Variants in STX18 observed in about 807,000 individuals in gnomAD.
The protein encoded by STX18 is syntaxin-18.
Under a neutral mutation model 50.1 loss-of-function variants are expected in STX18, and 40 were observed. The observed-to-expected ratio is 0.80, with a 90% CI of 0.62 to 1.04. STX18 has a LOEUF of 1.04. Ranked by LOEUF, STX18 falls within the 50% of genes least tolerant of loss-of-function variation. STX18 has a pLI of 0.00. For missense variants in STX18, 410 were observed against 415.8 expected, an observed-to-expected ratio of 0.99 and a Z score of 0.12; for synonymous variants, 158 against 151.8, an observed-to-expected ratio of 1.04 and a Z score of -0.30.
intron 1 of STX18, among the ~76,000 whole-genome samples, chr4:4,535,743 T>C (rs1731302661): frequency 6.6e-6 from 1 of 152,228 alleles, no homozygotes; most frequent in African/African-American, 2.4e-5. Flanking sequence ...CTCCATTGTT[T>C]CCCAATCCTA....
chr4:4,502,896 G>T (rs924256116), intron 1 of STX18, among the ~76,000 whole-genome samples: 4 of 152,066 alleles, frequency 2.6e-5, no homozygotes, highest in African/African-American at 9.7e-5. Context: ...AAAACACAGA[G>T]TTCTCACCAA....
intron 1 of STX18, among the ~76,000 whole-genome samples, chr4:4,532,894 A>C (rs980948747): frequency 6.6e-6 from 1 of 152,124 alleles, no homozygotes; most frequent in Non-Finnish European, 1.5e-5. Flanking sequence ...TTATCATTTG[A>C]CTACAAATTA....
chr4:4,463,513 A>G (rs1317301502), intron 2 of STX18, among the ~76,000 whole-genome samples: 1 of 152,238 alleles, frequency 6.6e-6, no homozygotes, highest in African/African-American at 2.4e-5. Context: ...GAGTGGTGTG[A>G]ATCAAACCAA....
intron 1 of STX18, among the ~76,000 whole-genome samples, chr4:4,491,828 G>A (rs190638828): frequency 6.6e-4 from 101 of 152,098 alleles, no homozygotes; most frequent in African/African-American, 2.3e-3. Context: ...CTAATAGAAT[G>A]AACATATTTT....
chr4:4,467,287 C>T, intron 2 of STX18, among the ~76,000 whole-genome samples: 1 of 152,168 alleles, frequency 6.6e-6, no homozygotes, highest in East Asian at 1.9e-4. Context: ...GCTGTTATCA[C>T]ATTTGTTTCA....
At chr4:4,453,548 G>T in intron 5 of STX18, 1 of 293,522 alleles carries the variant, frequency 3.4e-6, no homozygotes, top group Non-Finnish European at 5.1e-6. Context: ...GCTTTTATAT[G>T]CACTGGGAAA....
intron 1 of STX18, among the ~76,000 whole-genome samples, chr4:4,516,188 T>C (rs1730259474): frequency 6.6e-6 from 1 of 152,230 alleles, no homozygotes; most frequent in Non-Finnish European, 1.5e-5. Flanking sequence ...TAGACACAGA[T>C]GGGCTCTGTA....
At chr4:4,488,393 GA>G (rs1261499050) in intron 1 of STX18, among the ~76,000 whole-genome samples, 1 of 152,136 alleles carries the variant, frequency 6.6e-6, no homozygotes, top group African/African-American at 2.4e-5. Flanking sequence ...ATAGAAGTGC[GA>G]AAACTACAAA....
chr4:4,507,769 G>C (rs932192082), intron 1 of STX18: 1 of 1,077,302 alleles, frequency 9.3e-7, no homozygotes, highest in East Asian at 2.9e-5. Context: ...TGAATTCCCA[G>C]AGTTTCAATT....
At chr4:4,497,293 A>G (rs6853914) in intron 1 of STX18, among the ~76,000 whole-genome samples, 29,927 of 152,204 alleles carry the variant, frequency 0.2, 3,013 homozygotes, top group African/African-American at 0.22. Context: ...AAGGAGGAGC[A>G]CAGACTTCTG....
intron 5 of STX18, among the ~76,000 whole-genome samples, chr4:4,452,996 G>A (rs1055832355): frequency 6.6e-6 from 1 of 152,198 alleles, no homozygotes; most frequent in Non-Finnish European, 1.5e-5. Flanking sequence ...GACTGAAGAT[G>A]CGGCTGAGCT....
intron 2 of STX18, among the ~76,000 whole-genome samples, chr4:4,465,581 G>C (rs1269565404): frequency 1.3e-5 from 2 of 152,118 alleles, no homozygotes; most frequent in South Asian, 2.1e-4. Context: ...TGAGGCGGTG[G>C]GGAACAATAC....
At chr4:4,492,751 C>T (rs1577371635) in intron 1 of STX18, among the ~76,000 whole-genome samples, 1 of 152,130 alleles carries the variant, frequency 6.6e-6, no homozygotes, top group South Asian at 2.1e-4. Flanking sequence ...AGAAACCAGT[C>T]GAGGATGTCT....
intron 2 of STX18, among the ~76,000 whole-genome samples, chr4:4,461,747 G>A (rs1314303575): frequency 2.6e-5 from 4 of 152,106 alleles, no homozygotes; most frequent in Admixed American, 2.0e-4. Flanking sequence ...CTGGGCTACC[G>A]GGGGGAATGC....
At chr4:4,478,410 A>G (rs552241498) in intron 1 of STX18, among the ~76,000 whole-genome samples, 2 of 152,322 alleles carry the variant, frequency 1.3e-5, no homozygotes, top group African/African-American at 4.8e-5. Flanking sequence ...TACAACGGTG[A>G]CCAGTGCATT....
chr4:4,439,241 C>T (rs1210096910), intron 5 of STX18, among the ~76,000 whole-genome samples: 10 of 140,536 alleles, frequency 7.1e-5, no homozygotes, highest in African/African-American at 2.5e-4. Flanking sequence ...ACACACACAC[C>T]ACATACATAT....
intron 1 of STX18, among the ~76,000 whole-genome samples, chr4:4,478,165 G>C (rs1728284975): frequency 6.6e-6 from 1 of 150,714 alleles, no homozygotes; most frequent in Admixed American, 6.6e-5. Flanking sequence ...GTATTTGTGA[G>C]AGTATTTGTA....
At chr4:4,528,511 A>G (rs1377571248) in intron 1 of STX18, among the ~76,000 whole-genome samples, 1 of 152,210 alleles carries the variant, frequency 6.6e-6, no homozygotes, top group East Asian at 1.9e-4. Flanking sequence ...GAGGCTTCAC[A>G]AAAGCAGATG....
rs192010847 is a variant in STX18 at position 4,533,833 on chromosome 4, T to C, written c.168+7964A>G. ...AAAAGTGAGGAAAGAGGGAACTCTT[T>C]GACACACTCCAGATTCTTCATGGAA... On this transcript the variant is annotated intron_variant, in intron 1 of 10. Transcript: ENST00000306200. 2.7e-3 allele frequency among the ~76,000 whole-genome samples: 411 copies of C among 152,290 alleles called. 2 individuals carry two copies. The highest frequency in any genetic ancestry group is 9.4e-3 in the African/African-American group (389 of 41,550).
Sources: allele counts gnomAD v4.1 joint callset (sites outside exome capture counted in the v4.1 genomes callset), GRCh38; gene constraint gnomAD v4.1.1; transcripts MANE v1.5; gene names NCBI Gene and HGNC (gene_info 2026-07-23, HGNC 2026-07-21).